CDH4: variants seen among roughly 807,000 people sequenced by gnomAD.
CDH4 encodes the protein cadherin 4.
In CDH4, 33 loss-of-function variants were observed where a neutral mutation model predicts 86.0. That is an observed-to-expected ratio of 0.38 (90% CI 0.29 to 0.51). The LOEUF (loss-of-function observed/expected upper bound fraction) is 0.51. CDH4 is among the 20% of genes least tolerant of loss of function. The probability of loss-of-function intolerance (pLI) is 0.86; values close to 1 mark genes in which losing one functional copy is unlikely to be tolerated. For synonymous variants in CDH4, 555 were observed against 549.4 expected, an observed-to-expected ratio of 1.01 and a Z score of -0.14; for missense variants, 1,114 against 1,307.4, an observed-to-expected ratio of 0.85 and a Z score of 2.28.
intron 2 of CDH4, among the ~76,000 whole-genome samples, chr20:61,363,736 A>C (rs902366322): frequency 6.6e-6 from 1 of 152,214 alleles, no homozygotes; most frequent in Non-Finnish European, 1.5e-5. Flanking sequence ...AGAGGTAGTC[A>C]AGAAAGGTCA....
intron 2 of CDH4, among the ~76,000 whole-genome samples, chr20:61,627,576 G>A (rs1303002788): frequency 6.6e-6 from 1 of 152,174 alleles, no homozygotes; most frequent in Admixed American, 6.5e-5. Flanking sequence ...TCTTTGTGTC[G>A]ACCATGACTG....
rs190356821 is a variant in CDH4 at position 61,317,206 on chromosome 20, G to A, written c.169+62269G>A. Among the ~76,000 whole-genome samples, 372 of 152,106 alleles carry A rather than the reference G, an allele frequency of 2.4e-3. 1 individual carries two copies. The highest frequency in any genetic ancestry group is 8.6e-3 in the African/African-American group (355 of 41,498). On this transcript the variant is annotated intron_variant, in intron 2 of 15. Coordinates refer to ENST00000614565, the MANE Select transcript of CDH4 (RefSeq NM_001794.5). Reference sequence around the variant, plus strand: ...ATCCTGGCTAACACGGTGAAACCCCGTCTCTACTAAAAATACAACAAATTA... The same window carrying A: ...ATCCTGGCTAACACGGTGAAACCCCATCTCTACTAAAAATACAACAAATTA...
intron 2 of CDH4, among the ~76,000 whole-genome samples, chr20:61,533,861 A>G (rs944972141): frequency 6.6e-6 from 1 of 152,192 alleles, no homozygotes; most frequent in African/African-American, 2.4e-5. Context: ...TATGGGACCA[A>G]AGATGCTTCT....
intron 2 of CDH4, among the ~76,000 whole-genome samples, chr20:61,558,704 TC>T (rs1373318855): frequency 2.0e-5 from 3 of 152,224 alleles, no homozygotes; most frequent in African/African-American, 4.8e-5. Context: ...GCGAATAGCA[TC>T]CCGTGCGTCC....
In CDH4 at chr20:61,630,354, C is replaced by T. The variant is rs116008560; in HGVS notation, c.170-113209C>T. ...CCCGCTCACACCAGCCACTGGGGCC[C>T]CAGGATGCTCTTGACCACGGTCAGC... On this transcript the variant is annotated intron_variant, in intron 2 of 15. Coordinates refer to ENST00000614565, the MANE Select transcript of CDH4 (RefSeq NM_001794.5). Among the ~76,000 whole-genome samples the T allele has an allele frequency of 2.2e-3, 332 of 152,334 alleles. 1 individual carries two copies. Among genetic ancestry groups the T allele is most frequent in the African/African-American group, 7.4e-3 (306 of 41,580 alleles).
intron 2 of CDH4, among the ~76,000 whole-genome samples, chr20:61,339,359 A>G (rs879537155): frequency 6.7e-6 from 1 of 149,262 alleles, no homozygotes; most frequent in Non-Finnish European, 1.5e-5. Context: ...TACTTCGACT[A>G]GAATGTGTGA....
At chr20:61,288,697 G>A (rs949613862) in intron 2 of CDH4, among the ~76,000 whole-genome samples, 1 of 152,324 alleles carries the variant, frequency 6.6e-6, no homozygotes, top group East Asian at 1.9e-4. Flanking sequence ...GGGCTGCCGC[G>A]GCCGGCTCCA....
At chr20:61,313,496 G>A (rs2084459121) in intron 2 of CDH4, among the ~76,000 whole-genome samples, 1 of 152,182 alleles carries the variant, frequency 6.6e-6, no homozygotes, top group Admixed American at 6.5e-5. Flanking sequence ...CTGTCGGGAA[G>A]CCACCAGGCA....
chr20:61,711,582 A>G (rs796509701), intron 2 of CDH4, among the ~76,000 whole-genome samples: 9 of 152,274 alleles, frequency 5.9e-5, no homozygotes, highest in African/African-American at 1.7e-4. Context: ...CTGTGAGGAC[A>G]CAGAGCCCAC....
At chr20:61,295,502 A>T (rs558090157) in intron 2 of CDH4, among the ~76,000 whole-genome samples, 10 of 152,324 alleles carry the variant, frequency 6.6e-5, no homozygotes, top group Admixed American at 2.0e-4. Flanking sequence ...GCGGAGTGGA[A>T]GTAATCAGTA....
intron 2 of CDH4, among the ~76,000 whole-genome samples, chr20:61,305,520 A>G (rs2084411727): frequency 6.6e-6 from 1 of 152,240 alleles, no homozygotes; most frequent in Non-Finnish European, 1.5e-5. Context: ...GGTCCTCACG[A>G]CATTCCAAGT....
At chr20:61,922,903 G>T (rs960048383) in intron 9 of CDH4, among the ~76,000 whole-genome samples, 1 of 152,238 alleles carries the variant, frequency 6.6e-6, no homozygotes, top group African/African-American at 2.4e-5. Context: ...TTACAGGCGT[G>T]CATGACCGCA....
intron 2 of CDH4, among the ~76,000 whole-genome samples, chr20:61,589,716 C>T (rs2145730042): frequency 6.6e-6 from 1 of 152,032 alleles, no homozygotes; most frequent in African/African-American, 2.4e-5. Flanking sequence ...ATTAACTCGT[C>T]ATTTAGCATT....
chr20:61,540,523 G>T (rs1056893845), intron 2 of CDH4, among the ~76,000 whole-genome samples: 58 of 152,054 alleles, frequency 3.8e-4, no homozygotes, highest in African/African-American at 1.4e-3. Context: ...TGGTCTTGGG[G>T]TTTAGGAGCA....
chr20:61,934,062 G>T lies in CDH4; in HGVS notation c.2386G>T (p.Asp796Tyr). The T allele has an allele frequency of 6.2e-7, 1 of 1,610,864 alleles. No individual in the cohort carries two copies. ...TCCCGGCTCCCTCCCCCAGGACTACGACCTCAGCCAGCTGCAGCAGCCGGA... is the reference window on the plus strand; with the variant it reads ...TCCCGGCTCCCTCCCCCAGGACTACTACCTCAGCCAGCTGCAGCAGCCGGA... ...EGGGEEDQDY[D>Y]LSQLQQPEAM... Residue 796 changes from aspartate to tyrosine, a missense_variant, in exon 15 of 16, where the codon GAC (aspartate) becomes TAC (tyrosine). Physicochemically the swap from Asp to Tyr is radical, Grantham distance 160 (BLOSUM62 -3). Transcript: ENST00000614565.
chr20:61,273,192 G>T (rs1169256540), intron 2 of CDH4, among the ~76,000 whole-genome samples: 2 of 132,862 alleles, frequency 1.5e-5, no homozygotes, highest in African/African-American at 2.9e-5. Flanking sequence ...CAGTTTGGGG[G>T]AGCACCATGC....
At chr20:61,746,377 C>T (rs1465845186) in intron 3 of CDH4, among the ~76,000 whole-genome samples, 1 of 152,182 alleles carries the variant, frequency 6.6e-6, no homozygotes, top group Non-Finnish European at 1.5e-5. Flanking sequence ...TGGTTCCTCT[C>T]CTGACTTTCT....
At chr20:61,729,105 C>T (rs6089498) in intron 2 of CDH4, among the ~76,000 whole-genome samples, 2 of 152,036 alleles carry the variant, frequency 1.3e-5, no homozygotes, top group African/African-American at 2.4e-5. Flanking sequence ...TGTTGCTCTG[C>T]GAGCGCTGAC....
intron 2 of CDH4, among the ~76,000 whole-genome samples, chr20:61,371,045 A>G (rs1402422565): frequency 2.0e-5 from 3 of 152,136 alleles, no homozygotes; most frequent in African/African-American, 4.8e-5. Context: ...TTTATTTGGG[A>G]GCATGCCTAC....
Sources: gnomAD v4.1 joint callset for allele counts (sites outside exome capture counted in the v4.1 genomes callset) on GRCh38, gnomAD v4.1.1 for gene constraint, MANE v1.5 for transcripts, NCBI Gene and HGNC (gene_info 2026-07-23, HGNC 2026-07-21) for gene names.